CAST: variants seen among roughly 807,000 people sequenced by gnomAD.
CAST encodes calpastatin.
In CAST, 76 loss-of-function variants were observed where a neutral mutation model predicts 119.6. The observed-to-expected ratio is 0.64, with a 90% CI of 0.53 to 0.77. The LOEUF is 0.77. CAST is among the 30% of genes least tolerant of loss of function. The pLI, the probability that CAST is intolerant of heterozygous loss-of-function variation, is 0.00. For missense variants in CAST, 953 were observed against 946.5 expected (o/e 1.01, Z -0.09); for synonymous variants, 319 against 331.6 (o/e 0.96, Z 0.41).
intron 1 of CAST, among the ~76,000 whole-genome samples, chr5:96,597,967 A>G (rs1298296307): frequency 6.6e-6 from 1 of 151,894 alleles, no homozygotes; most frequent in African/African-American, 2.4e-5. Flanking sequence ...CAGCAGTACT[A>G]GGGGGCTGGC....
At chr5:96,770,661 ATCATTTCAG>A in intron 30 of CAST, 59 bp downstream of exon 30, 1 of 1,136,490 alleles carries the variant, frequency 8.8e-7, no homozygotes, top group Non-Finnish European at 1.3e-6. Context: ...AGTAGGGTTT[ATCATTTCAG>A]TCATTTAGTT....
the CAST span, among the ~76,000 whole-genome samples, chr5:96,179,853 G>A: frequency 3.3e-5 from 5 of 152,198 alleles, no homozygotes; most frequent in East Asian, 1.9e-4. Flanking sequence ...TGGCTAACAC[G>A]GTGGAACCTC....
At chr5:96,704,589 T>C (rs1283433108) in intron 3 of CAST, among the ~76,000 whole-genome samples, 1 of 152,232 alleles carries the variant, frequency 6.6e-6, no homozygotes, top group Non-Finnish European at 1.5e-5. Flanking sequence ...TTAGTCCTAT[T>C]CAAATAAAAA....
the CAST span, among the ~76,000 whole-genome samples, chr5:96,256,714 A>G: frequency 4.1e-4 from 63 of 152,240 alleles, 1 homozygote; most frequent in African/African-American, 1.5e-3. Context: ...GTTGATCGAA[A>G]TGTCATTAGG....
chr5:96,769,062 C>G (rs1488033962), intron 29 of CAST: 1 of 152,188 alleles, frequency 6.6e-6, no homozygotes, highest in African/African-American at 2.4e-5. Flanking sequence ...GGCATTTTCC[C>G]TCAAGCTACA....
intron 1 of CAST, among the ~76,000 whole-genome samples, chr5:96,536,508 T>C (rs1378425965): frequency 6.6e-6 from 1 of 152,124 alleles, no homozygotes; most frequent in Non-Finnish European, 1.5e-5. Context: ...GGAGTGATGG[T>C]GATGCAAGTT....
rs1283403533 is a variant in CAST, at chr5:96,754,043, C to T, written c.1525-17C>T. 6.7e-7 allele frequency: 1 copy of T among 1,487,282 alleles called. No individual in the cohort carries two copies. The highest frequency in any genetic ancestry group is 9.4e-7 in the Non-Finnish European group (1 of 1,064,320). 92.1% of individuals were successfully genotyped at this position (1,487,282 alleles called of 1,614,324 possible). A position where few individuals can be genotyped will look rare whatever the true frequency, so the allele number is the denominator to read the frequency against. ...TGATTAACCACCTACTTAATATATC[C>T]ACTAATGCACTTTCAGAAGGGCACA... is the stretch of plus-strand genomic sequence containing the variant. On this transcript the variant is annotated splice_polypyrimidine_tract_variant and intron_variant, in intron 20 of 31. Transcript: ENST00000675179.
the CAST span, among the ~76,000 whole-genome samples, chr5:96,424,972 AGAAAGATAG>A: frequency 1.6e-4 from 22 of 139,608 alleles, no homozygotes; most frequent in African/African-American, 6.4e-4. Flanking sequence ...AAAAAAAAAA[AGAAAGATAG>A]AAAGAAAGAA....
the CAST span, among the ~76,000 whole-genome samples, chr5:96,015,816 AC>A: frequency 1.3e-5 from 2 of 152,136 alleles, no homozygotes; most frequent in Non-Finnish European, 2.9e-5. Flanking sequence ...ACATTCAGAA[AC>A]TTTCTGGAGG....
chr5:96,570,959 CTG>C (rs1298565852), intron 1 of CAST, among the ~76,000 whole-genome samples: 2 of 152,132 alleles, frequency 1.3e-5, no homozygotes, highest in Non-Finnish European at 2.9e-5. Flanking sequence ...AGTTTGAACA[CTG>C]TTATGAATTT....
At chr5:96,480,798 A>G in the CAST span, among the ~76,000 whole-genome samples, 12 of 152,236 alleles carry the variant, frequency 7.9e-5, no homozygotes, top group Non-Finnish European at 1.6e-4. Context: ...CAGAGAAGCA[A>G]CCAGTGACCT....
chr5:96,309,897 C>T, the CAST span, among the ~76,000 whole-genome samples: 8 of 152,246 alleles, frequency 5.3e-5, no homozygotes, highest in Admixed American at 1.3e-4. Flanking sequence ...TGTTCCTATT[C>T]GGCCATCTTT....
At chr5:96,284,328 G>T in the CAST span, among the ~76,000 whole-genome samples, 1 of 152,080 alleles carries the variant, frequency 6.6e-6, no homozygotes, top group African/African-American at 2.4e-5. Context: ...AAGTGCTCTG[G>T]GATTTTCAGA....
the CAST span, among the ~76,000 whole-genome samples, chr5:96,350,117 A>G: frequency 0.04 from 6,096 of 152,268 alleles, 373 homozygotes; most frequent in African/African-American, 0.14. Context: ...ATTTTGCCAA[A>G]GTTAATGATG....
chr5:96,522,877 C>G (rs1006577272), upstream of CAST, among the ~76,000 whole-genome samples: 4 of 152,156 alleles, frequency 2.6e-5, no homozygotes, highest in African/African-American at 9.7e-5. Context: ...GGAAGTCATC[C>G]TAAGTAAAGG....
At chr5:96,701,713 G>A (rs1250764363) in intron 3 of CAST, among the ~76,000 whole-genome samples, 5 of 151,774 alleles carry the variant, frequency 3.3e-5, no homozygotes, top group African/African-American at 4.8e-5. Context: ...GCTGAGGCAG[G>A]AGTATTGCTT....
At chr5:95,974,949 A>T in the CAST span, among the ~76,000 whole-genome samples, 3 of 152,180 alleles carry the variant, frequency 2.0e-5, no homozygotes, top group Non-Finnish European at 4.4e-5. Flanking sequence ...TTGCACATGG[A>T]ATAACAATTG....
chr5:96,208,886 C>T, the CAST span, among the ~76,000 whole-genome samples: 17 of 151,982 alleles, frequency 1.1e-4, no homozygotes, highest in African/African-American at 3.4e-4. Flanking sequence ...TGTTAGTTTT[C>T]TGCCTTAATG....
At chr5:96,450,080 G>T in the CAST span, among the ~76,000 whole-genome samples, 1 of 152,120 alleles carries the variant, frequency 6.6e-6, no homozygotes, top group East Asian at 1.9e-4. Flanking sequence ...CAAAGGAAAA[G>T]AAATCATTTT....
Sources: allele counts gnomAD v4.1 joint callset (sites outside exome capture counted in the v4.1 genomes callset), GRCh38; gene constraint gnomAD v4.1.1; transcripts MANE v1.5; gene names NCBI Gene and HGNC (gene_info 2026-07-23, HGNC 2026-07-21).